VPS50: variants seen among roughly 807,000 people sequenced by gnomAD.
VPS50 encodes VPS50 subunit of EARP/GARPII complex.
VPS50 carries 70 observed loss-of-function variants against 139.7 expected under a neutral mutation model. That is an observed-to-expected ratio of 0.50 (90% CI 0.41 to 0.61). The LOEUF is 0.61. Ranked by LOEUF, VPS50 falls within the 20% of genes least tolerant of loss-of-function variation. VPS50 has a pLI of 0.00. For missense variants in VPS50, 921 were observed against 1,133.7 expected (o/e 0.81, Z 2.69); for synonymous variants, 365 against 376.7 (o/e 0.97, Z 0.36).
chr7:93,334,279 T>G, intron 22 of VPS50, 82 bp downstream of exon 22: 1 of 792,544 alleles, frequency 1.3e-6, no homozygotes, highest in East Asian at 2.5e-5. Flanking sequence ...TAAATGTGTG[T>G]CTATATGTAT....
At chr7:93,307,481 A>T (rs1166658921) in intron 18 of VPS50, among the ~76,000 whole-genome samples, 2 of 151,914 alleles carry the variant, frequency 1.3e-5, no homozygotes, top group Non-Finnish European at 2.9e-5. Context: ...AAGGCAGAGC[A>T]TGCCTTGTTT....
At chr7:93,314,565 C>T (rs919277507) in intron 20 of VPS50, among the ~76,000 whole-genome samples, 3 of 152,146 alleles carry the variant, frequency 2.0e-5, no homozygotes, top group Admixed American at 6.5e-5. Flanking sequence ...CTCCTGGAAG[C>T]AGCTTGTGAG....
intron 16 of VPS50, among the ~76,000 whole-genome samples, chr7:93,302,455 CCAAT>C (rs1204589122): frequency 6.6e-6 from 1 of 151,270 alleles, no homozygotes; most frequent in Non-Finnish European, 1.5e-5. Flanking sequence ...TTTTACTTAT[CCAAT>C]CATTTTTTAA....
At chr7:93,278,146 G>T (rs1368686699) in intron 12 of VPS50, among the ~76,000 whole-genome samples, 1 of 152,048 alleles carries the variant, frequency 6.6e-6, no homozygotes, top group Non-Finnish European at 1.5e-5. Flanking sequence ...TTTTAAAAAA[G>T]TCAAAGACAT....
intron 17 of VPS50, among the ~76,000 whole-genome samples, chr7:93,304,705 A>T (rs968600293): frequency 5.3e-5 from 8 of 151,838 alleles, no homozygotes; most frequent in African/African-American, 9.7e-5. Context: ...CATGTTTTTT[A>T]AAAAAGGCAT....
chr7:93,292,817 AT>A lies in VPS50; in HGVS notation c.1075+985del, dbSNP rs1458231927. Among the ~76,000 whole-genome samples, 4 of 152,112 alleles carry A rather than the reference AT, an allele frequency of 2.6e-5. No individual in the cohort carries two copies. The East Asian group carries it at 7.7e-4, about 29-fold the overall frequency. Reference sequence around the variant, plus strand: ...AAATTCCATGAATGGATTTTTATCCATTTGGAAATATTGTTGGGGAGAGTAA... The same window carrying A: ...AAATTCCATGAATGGATTTTTATCCATTGGAAATATTGTTGGGGAGAGTAA... On this transcript the variant is annotated intron_variant, in intron 13 of 27. Coordinates refer to ENST00000305866, the MANE Select transcript of VPS50 (RefSeq NM_017667.4).
At chr7:93,342,932 T>C (rs1367176792) in intron 23 of VPS50, among the ~76,000 whole-genome samples, 1 of 152,084 alleles carries the variant, frequency 6.6e-6, no homozygotes, top group Non-Finnish European at 1.5e-5. Context: ...GCACCTCTCC[T>C]CCTCCAAAGG....
chr7:93,248,410 A>G (rs1795218753), intron 2 of VPS50, among the ~76,000 whole-genome samples: 1 of 152,032 alleles, frequency 6.6e-6, no homozygotes, highest in African/African-American at 2.4e-5. Context: ...AGTTTCTATT[A>G]AATTATGTAG....
chr7:93,331,204 G>A lies in VPS50; in HGVS notation c.1978-2913G>A, dbSNP rs143067516. On this transcript the variant is annotated intron_variant, in intron 21 of 27. Coordinates refer to ENST00000305866, the MANE Select transcript of VPS50 (RefSeq NM_017667.4). ...AGTCTTCCCCAAATCTATAGGTTCA[G>A]TACAATCCCAATCAAAACTGTAACA... is the stretch of plus-strand genomic sequence containing the variant. Among the ~76,000 whole-genome samples, 30 of 149,138 alleles carry A rather than the reference G, an allele frequency of 2.0e-4. No homozygotes were observed. The East Asian group carries it at 5.3e-3, about 26-fold the overall frequency.
intron 17 of VPS50, among the ~76,000 whole-genome samples, 167 bp downstream of exon 17, chr7:93,303,717 G>A (rs1797042598): frequency 6.6e-6 from 1 of 151,576 alleles, no homozygotes; most frequent in African/African-American, 2.4e-5. Context: ...TCTTTTTAAA[G>A]GAATGATCCT....
intron 4 of VPS50, among the ~76,000 whole-genome samples, chr7:93,254,329 G>T (rs1372428838): frequency 6.6e-6 from 1 of 152,196 alleles, no homozygotes; most frequent in East Asian, 1.9e-4. Flanking sequence ...GAGTGCGATT[G>T]CACGATCATG....
At chr7:93,294,404 T>A in intron 13 of VPS50, 141 bp from the exon 14 acceptor site, 2 of 703,134 alleles carry the variant, frequency 2.8e-6, no homozygotes, top group Non-Finnish European at 4.3e-6. Context: ...TTGTTTGATA[T>A]TGTTTTGATT....
At chr7:93,235,204 T>C (rs1794763555) in intron 1 of VPS50, among the ~76,000 whole-genome samples, 1 of 152,072 alleles carries the variant, frequency 6.6e-6, no homozygotes, top group Non-Finnish European at 1.5e-5. Context: ...GGAGCTTGTT[T>C]GAGAAATTGC....
At chr7:93,350,056 G>A (rs1203540954) in intron 25 of VPS50, 23 bp downstream of exon 25, 3 of 1,574,700 alleles carry the variant, frequency 1.9e-6, no homozygotes, top group East Asian at 2.2e-5. Context: ...GGAAGCACCT[G>A]TGCTAAAGAT....
chr7:93,347,202 G>T (rs1798421307), intron 23 of VPS50, among the ~76,000 whole-genome samples: 1 of 147,636 alleles, frequency 6.8e-6, no homozygotes, highest in African/African-American at 2.4e-5. Context: ...AGACATTTAT[G>T]CAGCCAAAAA....
intron 1 of VPS50, 35 bp downstream of exon 1, chr7:93,232,535 A>C: frequency 6.3e-7 from 1 of 1,593,980 alleles, no homozygotes; most frequent in Non-Finnish European, 8.6e-7. Flanking sequence ...GGCTTCCTTC[A>C]TCTCGGAAGT....
At chr7:93,355,759 CT>C in intron 26 of VPS50, 131 bp from the exon 27 acceptor site, 1 of 502,754 alleles carries the variant, frequency 2.0e-6, no homozygotes, top group East Asian at 3.1e-5. Flanking sequence ...GGCTTATGTT[CT>C]CTATTTCCTA....
At chr7:93,349,805 G>A (rs1323689566) in intron 24 of VPS50, 70 bp from the exon 25 acceptor site, 9 of 1,125,226 alleles carry the variant, frequency 8.0e-6, no homozygotes, top group Non-Finnish European at 1.2e-5. Flanking sequence ...TGGAAACAGG[G>A]GCAAGTATTC....
chr7:93,240,026 T>A, intron 2 of VPS50, 92 bp downstream of exon 2: 2 of 784,958 alleles, frequency 2.5e-6, no homozygotes, highest in Non-Finnish European at 4.4e-6. Flanking sequence ...AGCTTTTCTT[T>A]CCCACAGGCA....
Sources: gnomAD v4.1 joint callset for allele counts (sites outside exome capture counted in the v4.1 genomes callset) on GRCh38, gnomAD v4.1.1 for gene constraint, MANE v1.5 for transcripts, NCBI Gene and HGNC (gene_info 2026-07-23, HGNC 2026-07-21) for gene names.